Variants in PRKN observed in about 807,000 individuals in gnomAD.
PRKN encodes the protein E3 ubiquitin-protein ligase parkin.
A neutral mutation model predicts 59.5 loss-of-function variants in PRKN; 56 were observed. That is an observed-to-expected ratio of 0.94 (90% CI 0.76 to 1.18). The LOEUF is 1.18. PRKN is among the 50% of genes most tolerant of loss of function. The pLI, the probability that PRKN is intolerant of heterozygous loss-of-function variation, is 0.00. For synonymous variants in PRKN, 250 were observed against 222.1 expected (o/e 1.13, Z -1.12); for missense variants, 657 against 596.4 (o/e 1.10, Z -1.06).
rs1291048342 is a variant in PRKN at position 161,566,035 on chromosome 6, T to C, written c.933+3320A>G. Among the ~76,000 whole-genome samples the C allele has an allele frequency of 6.6e-6, 1 of 152,188 alleles. No individual in the cohort carries two copies. Among genetic ancestry groups the C allele is most frequent in the Non-Finnish European group, 1.5e-5 (1 of 68,040 alleles). ...TCTCCCAACTCCTCTACTGAATCAT[T>C]ACCATCAGTACATAGACATGCTGCA... On this transcript the variant is annotated intron_variant, in intron 8 of 11. Transcript: ENST00000366898. This position sits in a 1 kb window ranked among gnomAD's most constrained non-coding sequence, Gnocchi z 4.1.
At chr6:161,740,279 C>T (rs10806750) in intron 7 of PRKN, among the ~76,000 whole-genome samples, 41,002 of 152,114 alleles carry the variant, frequency 0.27, 5,964 homozygotes, top group Admixed American at 0.35. Flanking sequence ...GCTATGCATA[C>T]GCACTTTGTC....
rs1454572004 is a variant in PRKN, at chr6:161,399,446, A to G, written c.1084-12569T>C. Among the ~76,000 whole-genome samples the G allele has an allele frequency of 1.3e-5, 2 of 152,178 alleles. No homozygotes were observed. Among genetic ancestry groups the G allele is most frequent in the Non-Finnish European group, 2.9e-5 (2 of 68,030 alleles). Reference sequence around the variant, plus strand: ...TAACTGGGCTTTGGGAGTCACAGGCACCCATCCCTAGACACTACTGTGGGG... The same window carrying G: ...TAACTGGGCTTTGGGAGTCACAGGCGCCCATCCCTAGACACTACTGTGGGG... On this transcript the variant is annotated intron_variant, in intron 9 of 11. Transcript: ENST00000366898. This position sits in a 1 kb window ranked among gnomAD's most constrained non-coding sequence, Gnocchi z 4.4.
intron 1 of PRKN, among the ~76,000 whole-genome samples, chr6:162,447,217 T>C (rs1395730153): frequency 2.6e-5 from 4 of 152,114 alleles, no homozygotes; most frequent in African/African-American, 9.7e-5. Flanking sequence ...GAAAGCAGTG[T>C]CCTTTGCTTG....
At chr6:162,079,326 AAAAGGG>A (rs1778964362) in intron 4 of PRKN, among the ~76,000 whole-genome samples, 2 of 152,288 alleles carry the variant, frequency 1.3e-5, no homozygotes. Flanking sequence ...TGCCCAACTC[AAAAGGG>A]AATTCATATT....
intron 5 of PRKN, among the ~76,000 whole-genome samples, chr6:162,040,217 A>G (rs747302634): frequency 2.6e-5 from 4 of 152,192 alleles, no homozygotes; most frequent in African/African-American, 4.8e-5. Context: ...CAGAAGCGGT[A>G]GGAAACCTGG....
intron 9 of PRKN, among the ~76,000 whole-genome samples, chr6:161,509,466 G>C (rs938646490): frequency 6.6e-6 from 1 of 152,186 alleles, no homozygotes; most frequent in African/African-American, 2.4e-5. Context: ...GGTGGGCATG[G>C]TGGCAGATTG....
chr6:161,585,084 G>A (rs80145493), intron 7 of PRKN, among the ~76,000 whole-genome samples: 2,070 of 152,254 alleles, frequency 0.014, 34 homozygotes, highest in Non-Finnish European at 0.021. Flanking sequence ...AAAAAAGCCC[G>A]GTTATCTAAT....
At chr6:162,341,835 C>T (rs2128128386) in intron 2 of PRKN, among the ~76,000 whole-genome samples, 2 of 151,918 alleles carry the variant, frequency 1.3e-5, no homozygotes, top group South Asian at 4.2e-4. Context: ...CAGGAAACCA[C>T]CATGGCATGT....
chr6:161,658,626 G>A (rs1466978539), intron 7 of PRKN, among the ~76,000 whole-genome samples: 2 of 152,130 alleles, frequency 1.3e-5, no homozygotes, highest in African/African-American at 2.4e-5. Flanking sequence ...ATTTATCAGA[G>A]GTGGAGCTTG....
Position 161,865,646 on chromosome 6 carries a change from A to C in PRKN, c.735-79738T>G, listed in dbSNP as rs141899834. ...TCATGAACCAACCTCTGCTAACTTC[A>C]AACTTTTCTCATGCAACTTTCTCAC... On this transcript the variant is annotated intron_variant, in intron 6 of 11. Transcript: ENST00000366898. Among the ~76,000 whole-genome samples the C allele has an allele frequency of 3.7e-3, 568 of 152,294 alleles. 3 individuals carry two copies. The highest frequency in any genetic ancestry group is 0.012 in the South Asian group (60 of 4,818).
chr6:162,681,982 T>A (rs142913945), intron 1 of PRKN, among the ~76,000 whole-genome samples: 88 of 152,276 alleles, frequency 5.8e-4, no homozygotes, highest in Middle Eastern at 6.8e-3. Flanking sequence ...CACTCGCCAC[T>A]GGTAACAAAA....
intron 4 of PRKN, among the ~76,000 whole-genome samples, chr6:162,130,369 C>T (rs1422969137): frequency 6.6e-6 from 1 of 152,118 alleles, no homozygotes; most frequent in Admixed American, 6.6e-5. Flanking sequence ...AATCAAACCT[C>T]TTCACGGGTA....
At chr6:162,723,882 G>T (rs530762165) in intron 1 of PRKN, among the ~76,000 whole-genome samples, 1 of 152,316 alleles carries the variant, frequency 6.6e-6, no homozygotes, top group South Asian at 2.1e-4. Context: ...TGGACATGCA[G>T]ATATGTAAAT....
intron 2 of PRKN, among the ~76,000 whole-genome samples, chr6:162,434,645 C>T (rs1391719457): frequency 1.3e-5 from 2 of 152,160 alleles, no homozygotes; most frequent in African/African-American, 4.8e-5. Context: ...ACATCCCACA[C>T]ATTTAACTTC....
intron 2 of PRKN, among the ~76,000 whole-genome samples, chr6:162,305,308 G>C (rs1366098739): frequency 6.6e-6 from 1 of 152,072 alleles, no homozygotes; most frequent in African/African-American, 2.4e-5. Flanking sequence ...ACCTCGAAAA[G>C]TTAATATTAT....
At chr6:161,513,248 C>T (rs543047184) in intron 9 of PRKN, among the ~76,000 whole-genome samples, 2 of 152,172 alleles carry the variant, frequency 1.3e-5, no homozygotes, top group South Asian at 2.1e-4. Context: ...TGTTTGCTTG[C>T]TTTGTTTTTT....
At chr6:162,718,148 T>G (rs2803104) in intron 1 of PRKN, among the ~76,000 whole-genome samples, 55,836 of 151,848 alleles carry the variant, frequency 0.37, 10,464 homozygotes, top group Non-Finnish European at 0.41. Context: ...AACTCACACA[T>G]ATTTGTCCAT....
At chr6:162,721,020 T>C (rs112284792) in intron 1 of PRKN, among the ~76,000 whole-genome samples, 1 of 152,114 alleles carries the variant, frequency 6.6e-6, no homozygotes, top group Non-Finnish European at 1.5e-5. Flanking sequence ...TCTACAAAAA[T>C]AAGAACTTTT....
intron 1 of PRKN, among the ~76,000 whole-genome samples, chr6:162,656,190 C>T (rs185498202): frequency 1.9e-4 from 29 of 152,310 alleles, no homozygotes; most frequent in African/African-American, 7.0e-4. Flanking sequence ...CTACTGGCAA[C>T]TTTTCAGCTA....
Sources: allele counts gnomAD v4.1 joint callset (sites outside exome capture counted in the v4.1 genomes callset), GRCh38; gene constraint gnomAD v4.1.1; non-coding constraint Gnocchi (gnomAD v3.1); transcripts MANE v1.5; gene names NCBI Gene and HGNC (gene_info 2026-07-23, HGNC 2026-07-21).